Variants in WNT7B observed in about 807,000 individuals in gnomAD.
WNT7B encodes the protein Wnt family member 7B, also known as protein Wnt-7b.
Under a neutral mutation model 38.2 loss-of-function variants are expected in WNT7B, and 19 were observed. The observed-to-expected ratio is 0.50, with a 90% CI of 0.35 to 0.73. The LOEUF (loss-of-function observed/expected upper bound fraction) is 0.73, where lower values mean the gene tolerates loss of function less well. WNT7B is among the 30% of genes least tolerant of loss of function. The pLI, the probability that WNT7B is intolerant of heterozygous loss-of-function variation, is 0.01. For missense variants in WNT7B, 423 were observed against 507.9 expected (o/e 0.83, Z 1.61); for synonymous variants, 243 against 209.3 (o/e 1.16, Z -1.39).
intron 1 of WNT7B, among the ~76,000 whole-genome samples, chr22:45,962,432 T>C (rs1440603221): frequency 6.6e-6 from 1 of 152,122 alleles, no homozygotes; most frequent in African/African-American, 2.4e-5. Flanking sequence ...GTGCTGGCCA[T>C]ACTGGACCAG....
chr22:45,941,177 G>A (rs192826310), intron 2 of WNT7B, among the ~76,000 whole-genome samples: 45 of 152,344 alleles, frequency 3.0e-4, no homozygotes, highest in African/African-American at 1.0e-3. Context: ...GAGCTAACGG[G>A]ATTAGCAAGT....
chr22:45,972,116 G>GGGGGGGCCCCCCCCCCCCCCCCCC, intron 1 of WNT7B: 1 of 530,742 alleles, frequency 1.9e-6, no homozygotes. Context: ...CCCGGGGGGA[G>GGGGGGGCCCCCCCCCCCCCCCCCC]CCCACCCGCC....
intron 3 of WNT7B, chr22:45,926,029 T>C: frequency 1.0e-6 from 1 of 985,384 alleles, no homozygotes; most frequent in Non-Finnish European, 1.2e-6. Context: ...CCCAGCTGCA[T>C]GCTACTGCCC....
Position 45,976,837 on chromosome 22 carries a change from G to A in WNT7B, c.-83C>T. ...CGGCAGGGCCGGGCAGGGGCCAGGGGGCTGCGGGCAGACTGCGCTCAGCCC... is the reference window on the plus strand; with the variant it reads ...CGGCAGGGCCGGGCAGGGGCCAGGGAGCTGCGGGCAGACTGCGCTCAGCCC... On this transcript the variant is annotated 5_prime_UTR_variant, in exon 1 of 4. Transcript: ENST00000339464. This position sits in a 1 kb window ranked among gnomAD's most constrained non-coding sequence, Gnocchi z 8.5. The A allele has an allele frequency of 7.8e-7, 1 of 1,280,952 alleles. No homozygotes were observed. Among genetic ancestry groups the A allele is most frequent in the Non-Finnish European group, 1.0e-6 (1 of 991,140 alleles). 79.3% of individuals were successfully genotyped at this position (1,280,952 alleles called of 1,614,324 possible).
chr22:45,939,487 A>G (rs1931589821), intron 2 of WNT7B, among the ~76,000 whole-genome samples: 1 of 152,236 alleles, frequency 6.6e-6, no homozygotes, highest in Non-Finnish European at 1.5e-5. Context: ...TACATGCTAC[A>G]GTGTGGATAA....
At chr22:45,938,562 G>C (rs1827336347) in intron 2 of WNT7B, among the ~76,000 whole-genome samples, 1 of 152,020 alleles carries the variant, frequency 6.6e-6, no homozygotes, top group Non-Finnish European at 1.5e-5. Flanking sequence ...GCTTGAACCT[G>C]GGAGAGGGGA....
Position 45,931,326 on chromosome 22 carries a change from G to T in WNT7B, c.342C>A (p.Gly114=), listed in dbSNP as rs779366253. 6.3e-7 allele frequency: 1 copy of T among 1,596,132 alleles called. No homozygotes were observed. The highest frequency in any genetic ancestry group is 2.2e-5 in the East Asian group (1 of 44,802). Residue 114 remains glycine, a synonymous_variant, in exon 3 of 4, where the codon GGC becomes GGA. Transcript: ENST00000339464. ...AAFTYAITAA[G]VAHAVTAACS... Reference sequence around the variant, plus strand: ...AGGCAGCGGTGACGGCGTGCGCCACGCCAGCCGCGGTGATGGCGTACGTGA... The same window carrying T: ...AGGCAGCGGTGACGGCGTGCGCCACTCCAGCCGCGGTGATGGCGTACGTGA...
At chr22:45,963,471 C>T (rs79359854) in intron 1 of WNT7B, among the ~76,000 whole-genome samples, 5 of 152,142 alleles carry the variant, frequency 3.3e-5, no homozygotes, top group South Asian at 4.1e-4. Context: ...TGAAGTGGCC[C>T]GAGGTCCTGA....
intron 2 of WNT7B, among the ~76,000 whole-genome samples, chr22:45,931,766 G>GCCTCTGCTCCTC (rs1294843674): frequency 6.6e-6 from 1 of 152,182 alleles, no homozygotes; most frequent in African/African-American, 2.4e-5. Context: ...GGGTGTCCAT[G>GCCTCTGCTCCTC]CCTCTGCTCC....
At chr22:45,972,340 G>T (rs1437484224) in intron 1 of WNT7B, 1 of 398,080 alleles carries the variant, frequency 2.5e-6, no homozygotes, top group Non-Finnish European at 4.4e-6. Context: ...CAGGGCGGCG[G>T]CGCTGGGCGC....
At chr22:45,972,219 G>C in intron 1 of WNT7B, 2 of 649,762 alleles carry the variant, frequency 3.1e-6, no homozygotes, top group African/African-American at 1.9e-5. Flanking sequence ...AGCGCGCTGC[G>C]CGGCGACAGT....
intron 3 of WNT7B, among the ~76,000 whole-genome samples, chr22:45,930,123 C>G (rs1397644231): frequency 1.3e-5 from 2 of 152,224 alleles, no homozygotes; most frequent in African/African-American, 2.4e-5. Flanking sequence ...CTCTGACACT[C>G]TCCTACACAA....
At chr22:45,946,455 C>T (rs377304981) in intron 2 of WNT7B, among the ~76,000 whole-genome samples, 33 of 152,348 alleles carry the variant, frequency 2.2e-4, no homozygotes, top group African/African-American at 7.7e-4. Context: ...CGAGGTTCTC[C>T]TGATGCTCAC....
intron 3 of WNT7B, among the ~76,000 whole-genome samples, chr22:45,930,174 A>C (rs1931291678): frequency 1.3e-5 from 2 of 152,166 alleles, no homozygotes; most frequent in South Asian, 2.1e-4. Context: ...TGCACCCCTC[A>C]TGTGGACCCA....
chr22:45,940,245 C>T (rs958089024), intron 2 of WNT7B, among the ~76,000 whole-genome samples: 1 of 152,128 alleles, frequency 6.6e-6, no homozygotes, highest in Non-Finnish European at 1.5e-5. Flanking sequence ...ACTAAGACCC[C>T]CCACTTCACA....
rs1268652073 is a variant in WNT7B at position 45,950,021 on chromosome 22, G to A, written c.197C>T (p.Ala66Val). 2 of 1,613,950 alleles carry A rather than the reference G, an allele frequency of 1.2e-6. No individual in the cohort carries two copies. Among genetic ancestry groups the A allele is most frequent in the Admixed American group, 1.7e-5 (1 of 60,026 alleles). Residue 66 changes from alanine to valine, a missense_variant, in exon 2 of 4, where the codon GCG becomes GTG. By Grantham distance (64) the Ala-to-Val change is moderately conservative (BLOSUM62 0). This residue lies in a region of WNT7B where 133 missense variants were observed against 179.8 expected (regional missense o/e 0.74). Coordinates refer to ENST00000339464, the MANE Select transcript of WNT7B (RefSeq NM_058238.3). Reference protein sequence around the residue: ...PDAIIVIGEGAQMGINECQYQ... With the variant: ...PDAIIVIGEGVQMGINECQYQ... Reference sequence around the variant, plus strand: ...CTGGCACTCGTTGATGCCCATCTGCGCCCCCTCCCCAATCACAATGATGGC... The same window carrying A: ...CTGGCACTCGTTGATGCCCATCTGCACCCCCTCCCCAATCACAATGATGGC...
intron 3 of WNT7B, chr22:45,927,552 A>T (rs1382362489): frequency 6.9e-7 from 1 of 1,440,548 alleles, no homozygotes; most frequent in East Asian, 2.5e-5. Flanking sequence ...AGAGGAGGTC[A>T]CCCTGGGTTG....
chr22:45,941,637 C>T (rs907905430), intron 2 of WNT7B, among the ~76,000 whole-genome samples: 3 of 152,068 alleles, frequency 2.0e-5, no homozygotes, highest in South Asian at 2.1e-4. Context: ...GCCTCGGCCA[C>T]GGGTGGCTTA....
At chr22:45,927,847 G>A (rs764597071) in intron 3 of WNT7B, among the ~76,000 whole-genome samples, 63 of 152,340 alleles carry the variant, frequency 4.1e-4, no homozygotes, top group Non-Finnish European at 6.9e-4. Flanking sequence ...GGTGAGCAGA[G>A]AGCAGGCCAC....
Sources: gnomAD v4.1 joint callset for allele counts (sites outside exome capture counted in the v4.1 genomes callset) on GRCh38, gnomAD v4.1.1 for gene constraint, gnomAD v4.1.1 regional missense constraint, Gnocchi (gnomAD v3.1) non-coding constraint, MANE v1.5 for transcripts, NCBI Gene and HGNC (gene_info 2026-07-23, HGNC 2026-07-21) for gene names.